The following MAP4 variants were observed in gnomAD, a reference collection of about 807,000 sequenced individuals.
MAP4 encodes the protein microtubule-associated protein 4.
Under a neutral mutation model 170.2 loss-of-function variants are expected in MAP4, and 76 were observed. That is an observed-to-expected ratio of 0.45 (90% CI 0.37 to 0.54). The LOEUF is 0.54. Ranked by LOEUF, MAP4 falls within the 20% of genes least tolerant of loss-of-function variation. MAP4 has a pLI of 0.00. For synonymous variants in MAP4, 909 were observed against 994.5 expected, an observed-to-expected ratio of 0.91 and a Z score of 1.62; for missense variants, 2,506 against 2,748.0, an observed-to-expected ratio of 0.91 and a Z score of 1.97.
At position 48,027,088 on chromosome 3, in the gene MAP4, A is replaced by G. The variant is rs1265809651; in HGVS notation, c.-19-28209T>C. On this transcript the variant is annotated intron_variant, in intron 1 of 18. Transcript: ENST00000360240. ...TCTTCTGTAGCCTAGAAAAAAGTGTATCTAGAGAAAACATAATAGTCTCCT... is the reference window on the plus strand; with the variant it reads ...TCTTCTGTAGCCTAGAAAAAAGTGTGTCTAGAGAAAACATAATAGTCTCCT... Among the ~76,000 whole-genome samples, 3 of 152,250 alleles carry G rather than the reference A, an allele frequency of 2.0e-5. No individual in the cohort carries two copies. In the South Asian group the frequency reaches 6.2e-4, roughly 31 times the overall value.
chr3:48,014,085 A>T (rs2100106648), intron 1 of MAP4, among the ~76,000 whole-genome samples: 1 of 152,228 alleles, frequency 6.6e-6, no homozygotes, highest in Non-Finnish European at 1.5e-5. Context: ...GTGCTCATAA[A>T]CAGGAAATAA....
chr3:47,859,914 T>C (rs900342830), intron 17 of MAP4, among the ~76,000 whole-genome samples: 4 of 152,220 alleles, frequency 2.6e-5, no homozygotes, highest in African/African-American at 9.6e-5. Flanking sequence ...AAGTGCTTTA[T>C]CTGGGTTTAA....
At chr3:47,962,467 T>A (rs1342216894) in intron 3 of MAP4, among the ~76,000 whole-genome samples, 3 of 152,154 alleles carry the variant, frequency 2.0e-5, no homozygotes, top group Non-Finnish European at 4.4e-5. Context: ...GGCGCATACT[T>A]TTCCAAATTT....
rs571785156 is a variant in MAP4 at position 47,992,673 on chromosome 3, A to C, written c.223+5965T>G. ...ATGAAAAAATTATTCATGGATTTCA[A>C]GGGAGTTTTTTTGTATCAAAATAAC... is the stretch of plus-strand genomic sequence containing the variant. On this transcript the variant is annotated intron_variant, in intron 2 of 20. Coordinates refer to ENST00000683076, the MANE Select transcript of MAP4 (RefSeq NM_001385682.1). Among the ~76,000 whole-genome samples the C allele has an allele frequency of 6.2e-4, 95 of 152,256 alleles. No individual in the cohort carries two copies. In the Middle Eastern group the frequency reaches 0.014, roughly 22 times the overall value.
intron 15 of MAP4, among the ~76,000 whole-genome samples, chr3:47,870,390 T>C (rs1036428530): frequency 1.4e-4 from 22 of 152,128 alleles, no homozygotes; most frequent in Non-Finnish European, 1.6e-4. Flanking sequence ...ACTCAAGTCA[T>C]GGGTTGTGGA....
At chr3:47,974,457 C>T (rs1279356429) in intron 3 of MAP4, 27 of 984,146 alleles carry the variant, frequency 2.7e-5, no homozygotes, top group Non-Finnish European at 3.3e-5. Flanking sequence ...CAAAATCTTT[C>T]TCAGAACATG....
chr3:47,903,923 AAATT>A (rs1314649830), intron 9 of MAP4, among the ~76,000 whole-genome samples: 2 of 152,216 alleles, frequency 1.3e-5, no homozygotes. Context: ...TTCTAATCCT[AAATT>A]AACCTCTAAT....
Position 47,909,120 on chromosome 3 carries a change from G to A in MAP4, c.5301C>T (p.Pro1767=). Reference sequence around the variant, plus strand: ...GTGGAGTAAGTCCTCGGGACTTGGTGGGTCTCATGTAGCCTTTCATTGGTT... The same window carrying A: ...GTGGAGTAAGTCCTCGGGACTTGGTAGGTCTCATGTAGCCTTTCATTGGTT... ...MAEPMKGYMR[P]TKSRGLTPLL... The change falls in exon 9 of 21, where the codon CCC becomes CCT. Residue 1767 remains proline (P), a synonymous_variant. Transcript: ENST00000683076. The A allele has an allele frequency of 6.2e-7, 1 of 1,613,852 alleles. No homozygotes were observed. The highest frequency in any genetic ancestry group is 8.5e-7 in the Non-Finnish European group (1 of 1,179,794).
chr3:48,063,846 G>A (rs908721844), intron 1 of MAP4, among the ~76,000 whole-genome samples: 2 of 152,216 alleles, frequency 1.3e-5, no homozygotes, highest in Non-Finnish European at 2.9e-5. Flanking sequence ...TTAAGGGGAA[G>A]AAGTAGGGAT....
intron 3 of MAP4, among the ~76,000 whole-genome samples, chr3:47,934,255 T>TC (rs1003748915): frequency 6.6e-6 from 1 of 152,180 alleles, no homozygotes; most frequent in African/African-American, 2.4e-5. Context: ...ACCCTACTTT[T>TC]CCCCAGTCAA....
chr3:48,080,110 A>G (rs1478382680), intron 1 of MAP4, among the ~76,000 whole-genome samples: 1 of 152,220 alleles, frequency 6.6e-6, no homozygotes, highest in Non-Finnish European at 1.5e-5. Flanking sequence ...ATAGGTGCAA[A>G]GTTGAGATTA....
chr3:47,921,955 T>C, intron 4 of MAP4, 77 bp from the exon 5 acceptor site: 2 of 652,412 alleles, frequency 3.1e-6, no homozygotes, highest in South Asian at 3.9e-5. Flanking sequence ...CTTTCTTTCT[T>C]TTTTTTTTTT....
chr3:47,852,955 G>C lies in MAP4; in HGVS notation c.6887-17C>G. 6.2e-7 allele frequency: 1 copy of C among 1,613,884 alleles called. No individual in the cohort carries two copies. Among genetic ancestry groups the C allele is most frequent in the Non-Finnish European group, 8.5e-7 (1 of 1,179,862 alleles). ...GGTCTCAATCTGCAGTGACATGGGA[G>C]GAGGGAAGGGAGAGGGGAACAGGGG... On this transcript the variant is annotated splice_polypyrimidine_tract_variant and intron_variant, in intron 20 of 20. Transcript: ENST00000683076.
chr3:47,869,390 A>G (rs1353724091), intron 15 of MAP4, 63 bp from the exon 16 acceptor site: 1 of 1,131,782 alleles, frequency 8.8e-7, no homozygotes, highest in East Asian at 2.3e-5. Flanking sequence ...AAAGCCAAGA[A>G]GGGAAGAAGG....
chr3:47,984,017 T>C (rs1377287129), intron 2 of MAP4, among the ~76,000 whole-genome samples: 1 of 152,174 alleles, frequency 6.6e-6, no homozygotes, highest in South Asian at 2.1e-4. Flanking sequence ...TTTTTTCCAG[T>C]GAAGGGCATA....
intron 17 of MAP4, 45 bp downstream of exon 17, chr3:47,867,201 A>T: frequency 7.5e-7 from 1 of 1,327,114 alleles, no homozygotes; most frequent in Non-Finnish European, 1.1e-6. Context: ...TATACCCCAC[A>T]GTGGGCTATA....
chr3:47,954,407 T>C lies in MAP4; in HGVS notation c.292+23458A>G, dbSNP rs1056368002. 2.0e-5 allele frequency among the ~76,000 whole-genome samples: 3 copies of C among 152,138 alleles called. No individual in the cohort carries two copies. The East Asian group carries it at 5.8e-4, about 29-fold the overall frequency. ...GGCCCACCAGGATCTTTGGCAGTAA[T>C]TGATCACACAGTATTCCACAAGCAG... On this transcript the variant is annotated intron_variant, in intron 3 of 20. Coordinates refer to ENST00000683076, the MANE Select transcript of MAP4 (RefSeq NM_001385682.1).
intron 3 of MAP4, chr3:47,974,170 A>T: frequency 1.0e-6 from 1 of 967,756 alleles, no homozygotes; most frequent in Non-Finnish European, 1.2e-6. Context: ...TCACACCTGT[A>T]ATCCCAGCAC....
At chr3:48,063,968 G>C (rs1310105239) in intron 1 of MAP4, among the ~76,000 whole-genome samples, 2 of 152,128 alleles carry the variant, frequency 1.3e-5, no homozygotes, top group African/African-American at 4.8e-5. Context: ...CAGTGAAAGA[G>C]ATCTGATCTA....
Sources: allele counts gnomAD v4.1 joint callset (sites outside exome capture counted in the v4.1 genomes callset), GRCh38; gene constraint gnomAD v4.1.1; transcripts MANE v1.5; gene names NCBI Gene and HGNC (gene_info 2026-07-23, HGNC 2026-07-21).